The following PRELID2 variants were observed in gnomAD, a reference collection of about 807,000 sequenced individuals.
The protein encoded by PRELID2 is PRELI domain-containing protein 2.
A neutral mutation model predicts 28.4 loss-of-function variants in PRELID2; 25 were observed. That is an observed-to-expected ratio of 0.88 (90% CI 0.64 to 1.23). The LOEUF (loss-of-function observed/expected upper bound fraction) is 1.23, where lower values mean the gene tolerates loss of function less well. PRELID2 is among the 50% of genes most tolerant of loss of function. The pLI is 0.00. For synonymous variants in PRELID2, 76 were observed against 71.6 expected (o/e 1.06, Z -0.31); for missense variants, 201 against 214.4 (o/e 0.94, Z 0.39).
At chr5:145,563,104 C>G (rs148985374) in intron 1 of PRELID2, among the ~76,000 whole-genome samples, 1,762 of 152,318 alleles carry the variant, frequency 0.012, 11 homozygotes, top group African/African-American at 0.02. Context: ...ACATGATCCA[C>G]GCTTGGCCAA....
At chr5:145,512,529 G>A (rs758780306) in intron 1 of PRELID2, among the ~76,000 whole-genome samples, 1 of 152,192 alleles carries the variant, frequency 6.6e-6, no homozygotes, top group Non-Finnish European at 1.5e-5. Flanking sequence ...CATCTCCCAG[G>A]GACAAAGCAC....
chr5:145,528,736 G>C (rs1392107810), intron 1 of PRELID2, among the ~76,000 whole-genome samples: 2 of 147,628 alleles, frequency 1.4e-5, no homozygotes, highest in African/African-American at 5.3e-5. Context: ...CAGAGAGAGA[G>C]AGAGAGAGAG....
chr5:145,519,292 G>A (rs1439171538), intron 1 of PRELID2, among the ~76,000 whole-genome samples: 1 of 152,114 alleles, frequency 6.6e-6, no homozygotes, highest in African/African-American at 2.4e-5. Context: ...TCTTGAATGT[G>A]CTGAAGGTAA....
chr5:145,584,291 A>C lies in PRELID2; in HGVS notation n.71-110976T>G, dbSNP rs369743462. 2.0e-5 allele frequency among the ~76,000 whole-genome samples: 3 copies of C among 152,308 alleles called. No homozygotes were observed. In the South Asian group the frequency reaches 6.2e-4, roughly 32 times the overall value. The stretch of plus-strand genomic sequence containing the variant: ...TACACCTTATACAAAAATTAACTCA[A>C]GACAGATTAAAGACTTACACATTAA... On this transcript the variant is annotated intron_variant and non_coding_transcript_variant, in intron 1 of 2. Coordinates refer to the PRELID2 transcript ENST00000510259.
the PRELID2 span, among the ~76,000 whole-genome samples, chr5:145,406,077 T>C: frequency 6.6e-6 from 1 of 152,114 alleles, no homozygotes; most frequent in African/African-American, 2.4e-5. Context: ...ACCATGGGGA[T>C]GTTGTTAAAC....
intron 1 of PRELID2, among the ~76,000 whole-genome samples, chr5:145,825,519 TAA>T (rs1226703355): frequency 4.6e-5 from 7 of 152,172 alleles, no homozygotes; most frequent in African/African-American, 1.4e-4. Context: ...TACATACCCA[TAA>T]ATATATATTG....
chr5:145,561,330 A>ATT (rs1378990540), intron 1 of PRELID2, among the ~76,000 whole-genome samples: 2 of 151,954 alleles, frequency 1.3e-5, no homozygotes, highest in South Asian at 2.1e-4. Context: ...TCTTTTCTGT[A>ATT]TTGGTGCATG....
In PRELID2 at chr5:145,621,858, C is replaced by T. The variant is rs963074175; in HGVS notation, n.70+143073G>A. On this transcript the variant is annotated intron_variant and non_coding_transcript_variant, in intron 1 of 2. Transcript: ENST00000510259. ...GAGAGAATTTCGGATGTTCATAACA[C>T]AAAGAAATGATGAATGAGATGAATA... Among the ~76,000 whole-genome samples the T allele has an allele frequency of 2.0e-5, 3 of 151,952 alleles. No homozygotes were observed. The East Asian group carries it at 5.8e-4, about 29-fold the overall frequency.
chr5:145,274,542 G>T, the PRELID2 span, among the ~76,000 whole-genome samples: 1 of 152,174 alleles, frequency 6.6e-6, no homozygotes, highest in Non-Finnish European at 1.5e-5. Flanking sequence ...CACAGACTTA[G>T]AGGTTAAAAA....
At position 145,835,106 on chromosome 5, in the gene PRELID2, G is replaced by T. The variant is rs977520062; in HGVS notation, c.75+71C>A. 4 of 1,080,898 alleles carry T rather than the reference G, an allele frequency of 3.7e-6. No individual in the cohort carries two copies. In the East Asian group the frequency reaches 1.1e-4, roughly 29 times the overall value. 67.0% of individuals were successfully genotyped at this position (1,080,898 alleles called of 1,614,324 possible). A position where few individuals can be genotyped will look rare whatever the true frequency, so the allele number is the denominator to read the frequency against. ...CACTGGCGGTGCCAGCTTCCGCGTG[G>T]ATGAAGGAGAGGAGAGAGGGGCAAG... On this transcript the variant is annotated intron_variant, in intron 1 of 6. Transcript: ENST00000683046.
chr5:145,706,010 A>C (rs956035407), intron 1 of PRELID2, among the ~76,000 whole-genome samples: 1 of 152,102 alleles, frequency 6.6e-6, no homozygotes, highest in African/African-American at 2.4e-5. Flanking sequence ...AAAGAAAAAA[A>C]GTTTATCTTA....
intron 1 of PRELID2, among the ~76,000 whole-genome samples, chr5:145,713,654 A>T (rs1561554323): frequency 4.2e-5 from 4 of 96,326 alleles, no homozygotes; most frequent in South Asian, 3.7e-4. Flanking sequence ...ACTATATATA[A>T]AGTATATATA....
the PRELID2 span, among the ~76,000 whole-genome samples, chr5:145,232,329 A>G: frequency 6.6e-6 from 1 of 152,264 alleles, no homozygotes; most frequent in South Asian, 2.1e-4. Context: ...CCACTTGACA[A>G]ATGAAGAAAC....
At chr5:145,425,488 A>T in the PRELID2 span, among the ~76,000 whole-genome samples, 2 of 152,220 alleles carry the variant, frequency 1.3e-5, no homozygotes, top group Non-Finnish European at 2.9e-5. Context: ...CACAATAGCA[A>T]AAACATAGAA....
chr5:145,520,439 C>T (rs1343660487), intron 1 of PRELID2, among the ~76,000 whole-genome samples: 4 of 152,204 alleles, frequency 2.6e-5, no homozygotes, highest in Non-Finnish European at 4.4e-5. Context: ...CTCTCCCCTT[C>T]CCACGCTGAA....
intron 5 of PRELID2, among the ~76,000 whole-genome samples, chr5:145,779,979 G>A (rs1758683742): frequency 6.6e-6 from 1 of 152,100 alleles, no homozygotes; most frequent in South Asian, 2.1e-4. Context: ...CCAGGAGTTC[G>A]AGACCAGCCT....
At chr5:145,609,018 C>A (rs2014199425) in intron 1 of PRELID2, among the ~76,000 whole-genome samples, 1 of 152,156 alleles carries the variant, frequency 6.6e-6, no homozygotes. Flanking sequence ...GATCTTCAAG[C>A]TCTGAGATTC....
At chr5:145,380,530 C>T in the PRELID2 span, among the ~76,000 whole-genome samples, 1 of 152,212 alleles carries the variant, frequency 6.6e-6, no homozygotes, top group South Asian at 2.1e-4. Context: ...TCAACAAAGT[C>T]TTCTGTAGTT....
rs569299172 is a variant in PRELID2 at position 145,827,625 on chromosome 5, A to T, written c.76-4491T>A. ...AAATGACCCAATAATCAGCAACGGCATAGTGAAGGTTTTGAAAAGACAGTT... is the reference window on the plus strand; with the variant it reads ...AAATGACCCAATAATCAGCAACGGCTTAGTGAAGGTTTTGAAAAGACAGTT... On this transcript the variant is annotated intron_variant, in intron 1 of 6. Transcript: ENST00000683046. 2.0e-5 allele frequency among the ~76,000 whole-genome samples: 3 copies of T among 152,340 alleles called. No homozygotes were observed. The South Asian group carries it at 6.2e-4, about 32-fold the overall frequency.
Sources: gnomAD v4.1 joint callset for allele counts (sites outside exome capture counted in the v4.1 genomes callset) on GRCh38, gnomAD v4.1.1 for gene constraint, MANE v1.5 for transcripts, NCBI Gene and HGNC (gene_info 2026-07-23, HGNC 2026-07-21) for gene names.